Variants in TP63 observed in about 807,000 individuals in gnomAD.
TP63 encodes tumor protein p63.
A neutral mutation model predicts 82.8 loss-of-function variants in TP63; 17 were observed. The observed-to-expected ratio is 0.21, with a 90% CI of 0.14 to 0.31. The LOEUF is 0.31. Ranked by LOEUF, TP63 falls within the 10% of genes least tolerant of loss-of-function variation. The pLI is 1.00. For missense variants in TP63, 648 were observed against 895.3 expected, an observed-to-expected ratio of 0.72 and a Z score of 3.52; for synonymous variants, 330 against 321.7, an observed-to-expected ratio of 1.03 and a Z score of -0.28.
At chr3:189,704,711 A>G (rs1319995489) in intron 1 of TP63, among the ~76,000 whole-genome samples, 2 of 152,244 alleles carry the variant, frequency 1.3e-5, no homozygotes, top group Non-Finnish European at 2.9e-5. Context: ...CCTCGACAGA[A>G]TAGGTTACCT....
At chr3:189,604,611 C>T in the TP63 span, among the ~76,000 whole-genome samples, 2 of 152,024 alleles carry the variant, frequency 1.3e-5, no homozygotes, top group South Asian at 2.1e-4. Flanking sequence ...TTGTGGAACC[C>T]GACCCCTAGA....
upstream of TP63, among the ~76,000 whole-genome samples, chr3:189,627,804 G>A (rs1015061917): frequency 1.3e-5 from 2 of 152,114 alleles, no homozygotes; most frequent in African/African-American, 4.8e-5. Context: ...TCTTGATTGC[G>A]ATGAAGGCTA....
At chr3:189,667,340 A>G (rs1325281315) in intron 1 of TP63, among the ~76,000 whole-genome samples, 1 of 151,788 alleles carries the variant, frequency 6.6e-6, no homozygotes, top group Admixed American at 6.6e-5. Context: ...ACGCCTGGCC[A>G]ATTTTTGTAT....
chr3:189,763,326 A>G (rs993289145), intron 3 of TP63, among the ~76,000 whole-genome samples: 8 of 152,176 alleles, frequency 5.3e-5, no homozygotes, highest in African/African-American at 1.7e-4. Flanking sequence ...TACTTTAGAG[A>G]CAGTATTTTA....
At chr3:189,845,368 G>A (rs922728511) in intron 4 of TP63, among the ~76,000 whole-genome samples, 6 of 152,112 alleles carry the variant, frequency 3.9e-5, no homozygotes, top group Admixed American at 2.6e-4. Flanking sequence ...ACAAAATGAT[G>A]TGCAGGAGAT....
intron 3 of TP63, among the ~76,000 whole-genome samples, chr3:189,800,351 G>T (rs537110260): frequency 3.3e-5 from 5 of 152,122 alleles, no homozygotes; most frequent in Non-Finnish European, 4.4e-5. Flanking sequence ...AAGCTTGAGA[G>T]TGACAAGATC....
chr3:189,885,324 T>G (rs1022093962), intron 10 of TP63, among the ~76,000 whole-genome samples: 1 of 152,200 alleles, frequency 6.6e-6, no homozygotes, highest in Non-Finnish European at 1.5e-5. Context: ...GATTATTATA[T>G]CCATTGCCTC....
chr3:189,870,520 A>T (rs1560282879), intron 9 of TP63, among the ~76,000 whole-genome samples: 1 of 152,136 alleles, frequency 6.6e-6, no homozygotes, highest in Non-Finnish European at 1.5e-5. Context: ...GGATTTTAGT[A>T]TCCATGGGGG....
At chr3:189,711,962 G>T (rs1718628003) in intron 1 of TP63, among the ~76,000 whole-genome samples, 1 of 152,156 alleles carries the variant, frequency 6.6e-6, no homozygotes, top group African/African-American at 2.4e-5. Flanking sequence ...GGAGAAAAGT[G>T]GAAGAAGTGT....
At chr3:189,619,860 A>G in the TP63 span, among the ~76,000 whole-genome samples, 2 of 152,206 alleles carry the variant, frequency 1.3e-5, no homozygotes, top group African/African-American at 4.8e-5. Context: ...CACGTACTTC[A>G]GGAAGCCATC....
At chr3:189,754,268 C>T (rs1416101651) in intron 3 of TP63, among the ~76,000 whole-genome samples, 2 of 152,026 alleles carry the variant, frequency 1.3e-5, no homozygotes, top group Non-Finnish European at 2.9e-5. Flanking sequence ...TTCCTTAATA[C>T]CTCTCTTCCT....
In TP63 at chr3:189,726,138, T is replaced by A. The variant is rs906923988; in HGVS notation, c.63-11602T>A. On this transcript the variant is annotated intron_variant, in intron 1 of 13. Transcript: ENST00000264731. ...TGTACAGATTAGGCAAATTTATATT[T>A]AAGAAAAATCCATAAACACGTATCT... Among the ~76,000 whole-genome samples, 7 of 152,114 alleles carry A rather than the reference T, an allele frequency of 4.6e-5. No individual in the cohort carries two copies. In the East Asian group the frequency reaches 1.3e-3, roughly 29 times the overall value.
At chr3:189,631,160 A>C, upstream of TP63, 1 of 881,414 alleles carries the variant, frequency 1.1e-6, no homozygotes, top group Non-Finnish European at 1.4e-6. Flanking sequence ...CAGAGATCAG[A>C]AGTTCAGAGA....
At chr3:189,699,539 G>A (rs1183291016) in intron 1 of TP63, among the ~76,000 whole-genome samples, 3 of 152,104 alleles carry the variant, frequency 2.0e-5, no homozygotes, top group Non-Finnish European at 2.9e-5. Context: ...CCATCATCCA[G>A]TTGTCTGTAG....
chr3:189,689,337 AAC>A (rs1269733408), intron 1 of TP63, among the ~76,000 whole-genome samples: 1 of 151,796 alleles, frequency 6.6e-6, no homozygotes, highest in African/African-American at 2.4e-5. Context: ...GCTAGTCTCA[AAC>A]TCCTGACCTC....
At position 189,873,237 on chromosome 3, in the gene TP63, A is replaced by T. The variant is rs1577161818; in HGVS notation, c.1349+242A>T. 1.7e-5 allele frequency: 10 copies of T among 581,588 alleles called. No individual in the cohort carries two copies. The East Asian group carries it at 2.8e-4, about 16-fold the overall frequency. 36.0% of individuals were successfully genotyped at this position (581,588 alleles called of 1,614,324 possible). A position where few individuals can be genotyped will look rare whatever the true frequency, so the allele number is the denominator to read the frequency against. On this transcript the variant is annotated intron_variant, in intron 10 of 13. Coordinates refer to ENST00000264731, the MANE Select transcript of TP63 (RefSeq NM_003722.5). ...AAATACAAACCATTTCTGGTGAATT[A>T]CAAAGAAACTCACACTAACAGTTCT...
At chr3:189,893,783 C>T (rs760387902) in intron 13 of TP63, among the ~76,000 whole-genome samples, 2 of 152,178 alleles carry the variant, frequency 1.3e-5, no homozygotes, top group Non-Finnish European at 1.5e-5. Context: ...CAGGGCCTGG[C>T]ACATAGAAAG....
chr3:189,889,198 A>G, intron 11 of TP63, 142 bp from the exon 12 acceptor site: 1 of 1,176,900 alleles, frequency 8.5e-7, no homozygotes, highest in South Asian at 1.3e-5. Context: ...GGCTGTTTGA[A>G]GGGGTGTAGT....
chr3:189,618,960 T>C, the TP63 span, among the ~76,000 whole-genome samples: 17,605 of 152,154 alleles, frequency 0.12, 1,131 homozygotes, highest in East Asian at 0.22. Context: ...TGCACGGTGG[T>C]TCTTAACAGG....
Sources: allele counts gnomAD v4.1 joint callset (sites outside exome capture counted in the v4.1 genomes callset), GRCh38; gene constraint gnomAD v4.1.1; transcripts MANE v1.5; gene names NCBI Gene and HGNC (gene_info 2026-07-23, HGNC 2026-07-21).